Variants in KSR2 observed in about 807,000 individuals in gnomAD.
KSR2 encodes the protein kinase suppressor of ras 2.
In KSR2, 25 loss-of-function variants were observed where a neutral mutation model predicts 107.8. The ratio of observed to expected loss-of-function variants is 0.23; its 90% CI spans 0.17 to 0.32. KSR2 has a LOEUF of 0.32. KSR2 is among the 10% of genes least tolerant of loss of function. The pLI is 1.00. For synonymous variants in KSR2, 480 were observed against 507.0 expected, an observed-to-expected ratio of 0.95 and a Z score of 0.71; for missense variants, 887 against 1,268.9, an observed-to-expected ratio of 0.70 and a Z score of 4.57.
chr12:117,843,929 C>CTTTT (rs58326707), intron 3 of KSR2, among the ~76,000 whole-genome samples: 21 of 127,534 alleles, frequency 1.6e-4, no homozygotes, highest in African/African-American at 4.7e-4. Context: ...TTAAGCTTCC[C>CTTTT]TTTTTTTTTT....
At chr12:117,623,378 C>G (rs1882296676) in intron 5 of KSR2, among the ~76,000 whole-genome samples, 1 of 152,172 alleles carries the variant, frequency 6.6e-6, no homozygotes, top group African/African-American at 2.4e-5. Flanking sequence ...CTATCCCTCC[C>G]CCAGCCCCGC....
chr12:117,704,764 C>A (rs1458109730), intron 4 of KSR2, among the ~76,000 whole-genome samples: 1 of 151,518 alleles, frequency 6.6e-6, no homozygotes, highest in Non-Finnish European at 1.5e-5. Context: ...GAGGCTGAGG[C>A]AGGAGGATCA....
chr12:117,625,352 C>T (rs4767586), intron 5 of KSR2, among the ~76,000 whole-genome samples: 136,457 of 152,178 alleles, frequency 0.9, 61,342 homozygotes, highest in East Asian at 0.99. Flanking sequence ...TCATAAATAG[C>T]TCTTATTATT....
intron 7 of KSR2, 43 bp downstream of exon 7, chr12:117,579,076 C>T (rs764100348): frequency 2.1e-6 from 3 of 1,398,130 alleles, no homozygotes; most frequent in South Asian, 2.4e-5. Flanking sequence ...TTCTAGCTGA[C>T]ATCGGGTGCT....
At chr12:117,531,779 T>G in intron 10 of KSR2, 72 bp from the exon 11 acceptor site, 6 of 1,111,194 alleles carry the variant, frequency 5.4e-6, no homozygotes, top group Non-Finnish European at 7.9e-6. Context: ...GATTGAGCTC[T>G]TACAGCCACC....
chr12:117,968,163 T>C lies in KSR2; in HGVS notation c.93A>G (p.Ile31Met). 1 of 1,612,342 alleles carries C rather than the reference T, an allele frequency of 6.2e-7. No individual in the cohort carries two copies. Among genetic ancestry groups the C allele is most frequent in the Non-Finnish European group, 8.5e-7 (1 of 1,179,436 alleles). ...LQQCELVQNM[I>M]DLSISNLEGL... ...CTTCCAGGTTGGAGATGCTCAAGTC[T>C]ATCATGTTTTGGACCAGTTCGCACT... Residue 31 changes from isoleucine to methionine, a missense_variant, in exon 1 of 20, where the codon ATA (isoleucine) becomes ATG (methionine). Physicochemically the swap from Ile to Met is conservative, Grantham distance 10. Transcript: ENST00000339824.
intron 4 of KSR2, among the ~76,000 whole-genome samples, chr12:117,711,490 G>A (rs1886779460): frequency 6.6e-6 from 1 of 152,246 alleles, no homozygotes; most frequent in Admixed American, 6.5e-5. Context: ...GTGGAGATGT[G>A]CAAATGCTGG....
At chr12:117,601,641 C>A (rs1309516929) in intron 5 of KSR2, among the ~76,000 whole-genome samples, 1 of 152,048 alleles carries the variant, frequency 6.6e-6, no homozygotes, top group Non-Finnish European at 1.5e-5. Context: ...GGACCCCCCC[C>A]TAGAGCCTTC....
chr12:117,967,793 G>C (rs1896842071), intron 1 of KSR2, among the ~76,000 whole-genome samples: 1 of 151,976 alleles, frequency 6.6e-6, no homozygotes, highest in Non-Finnish European at 1.5e-5. Flanking sequence ...GGTAACAGCC[G>C]CAACAATAAT....
chr12:117,917,200 T>A (rs1197396750), intron 1 of KSR2, among the ~76,000 whole-genome samples: 2 of 152,232 alleles, frequency 1.3e-5, no homozygotes, highest in Admixed American at 1.3e-4. Flanking sequence ...TGTTGATAGA[T>A]ATTTAAGTAA....
In KSR2 at chr12:117,464,652, G is replaced by T. The variant is rs942873618; in HGVS notation, c.*2547C>A. The T allele has an allele frequency of 2.6e-5, 4 of 152,332 alleles. No individual in the cohort carries two copies. The highest frequency in any genetic ancestry group is 9.6e-5 in the African/African-American group (4 of 41,460). The allele number at this position is 152,332 out of a possible 1,614,324, so 9.4% of individuals were successfully genotyped here. A position where few individuals can be genotyped will look rare whatever the true frequency, so the allele number is the denominator to read the frequency against. ...AGTCAGGGCGGTGTAGAGGGGACAGGGTAGGGGCGTCAGGAAGGCACTGAA... is the reference window on the plus strand; with the variant it reads ...AGTCAGGGCGGTGTAGAGGGGACAGTGTAGGGGCGTCAGGAAGGCACTGAA... On this transcript the variant is annotated 3_prime_UTR_variant, in exon 20 of 20. Coordinates refer to ENST00000339824, the MANE Select transcript of KSR2 (RefSeq NM_173598.6).
chr12:117,781,463 A>AG (rs1488224118), intron 3 of KSR2, among the ~76,000 whole-genome samples: 5 of 152,126 alleles, frequency 3.3e-5, no homozygotes, highest in African/African-American at 4.8e-5. Context: ...GGGAGAGGGA[A>AG]GGGGGAAAGT....
intron 3 of KSR2, among the ~76,000 whole-genome samples, chr12:117,806,835 C>T (rs2137037420): frequency 6.6e-6 from 1 of 152,320 alleles, no homozygotes; most frequent in East Asian, 1.9e-4. Flanking sequence ...AGCATGCACG[C>T]ATATCTCATT....
intron 2 of KSR2, 43 bp from the exon 3 acceptor site, chr12:117,855,621 G>A (rs779781542): frequency 2.5e-6 from 4 of 1,602,050 alleles, no homozygotes; most frequent in African/African-American, 2.7e-5. Context: ...GGCAGGAACA[G>A]CATCTCTGCC....
At chr12:117,821,801 G>T in intron 3 of KSR2, among the ~76,000 whole-genome samples, 1 of 152,198 alleles carries the variant, frequency 6.6e-6, no homozygotes. Context: ...AAAAGAACAT[G>T]GTCTTTGGTC....
At chr12:117,909,337 C>T (rs1894948225) in intron 1 of KSR2, among the ~76,000 whole-genome samples, 2 of 152,170 alleles carry the variant, frequency 1.3e-5, no homozygotes, top group South Asian at 4.1e-4. Context: ...GTTTAAGTCA[C>T]CTGACATTGT....
chr12:117,573,358 T>TGTTGTC (rs757247655), intron 7 of KSR2, among the ~76,000 whole-genome samples: 2 of 152,116 alleles, frequency 1.3e-5, no homozygotes, highest in Admixed American at 6.5e-5. Context: ...ACCTGTTTTT[T>TGTTGTC]GTTGTCGTTG....
At chr12:117,938,836 G>C (rs963416148) in intron 1 of KSR2, among the ~76,000 whole-genome samples, 1 of 152,138 alleles carries the variant, frequency 6.6e-6, no homozygotes, top group Non-Finnish European at 1.5e-5. Context: ...GCTGCTTCTT[G>C]AGTTCCCTTT....
At chr12:117,696,333 G>T (rs970398504) in intron 4 of KSR2, among the ~76,000 whole-genome samples, 87 of 152,166 alleles carry the variant, frequency 5.7e-4, no homozygotes, top group Non-Finnish European at 1.3e-4. Flanking sequence ...AGCACAAAGT[G>T]TACACATTTT....
Sources: gnomAD v4.1 joint callset for allele counts (sites outside exome capture counted in the v4.1 genomes callset) on GRCh38, gnomAD v4.1.1 for gene constraint, MANE v1.5 for transcripts, NCBI Gene and HGNC (gene_info 2026-07-23, HGNC 2026-07-21) for gene names.